SIK3: variants seen among roughly 807,000 people sequenced by gnomAD.
SIK3 encodes SIK family kinase 3, also known as serine/threonine-protein kinase SIK3.
In SIK3, 28 loss-of-function variants were observed where a neutral mutation model predicts 144.2. The ratio of observed to expected loss-of-function variants is 0.19; its 90% CI spans 0.14 to 0.27. The LOEUF (loss-of-function observed/expected upper bound fraction) is 0.27, where lower values mean the gene tolerates loss of function less well. SIK3 is among the 10% of genes least tolerant of loss of function. The probability of loss-of-function intolerance (pLI) is 1.00; values close to 1 mark genes in which losing one functional copy is unlikely to be tolerated. For missense variants in SIK3, 1,319 were observed against 1,776.0 expected (o/e 0.74, Z 4.62); for synonymous variants, 686 against 676.3 (o/e 1.01, Z -0.22).
intron 4 of SIK3, among the ~76,000 whole-genome samples, chr11:116,922,346 C>T (rs2135081855): frequency 6.6e-6 from 1 of 151,898 alleles, no homozygotes; most frequent in South Asian, 2.1e-4. Context: ...TTAAAATTAG[C>T]GAGGTGTGGT....
At chr11:116,941,228 A>ATG in intron 3 of SIK3, among the ~76,000 whole-genome samples, 1 of 151,918 alleles carries the variant, frequency 6.6e-6, no homozygotes, top group Non-Finnish European at 1.5e-5. Context: ...GGATGGTCTC[A>ATG]ATCTCCTGAC....
intron 1 of SIK3, among the ~76,000 whole-genome samples, chr11:117,003,997 G>C (rs1031779758): frequency 6.6e-6 from 1 of 151,994 alleles, no homozygotes; most frequent in Non-Finnish European, 1.5e-5. Context: ...GAGAATATGG[G>C]GAAAAAAGCT....
At chr11:116,870,188 G>A in intron 14 of SIK3, 143 bp downstream of exon 14, 7 of 1,543,020 alleles carry the variant, frequency 4.5e-6, no homozygotes, top group Non-Finnish European at 6.1e-6. Context: ...ATGTGGGGTG[G>A]AACATGCCAT....
At chr11:116,968,204 G>A (rs1293834893) in intron 1 of SIK3, among the ~76,000 whole-genome samples, 2 of 152,038 alleles carry the variant, frequency 1.3e-5, no homozygotes, top group East Asian at 1.9e-4. Context: ...GTACAGTGGC[G>A]CCATCTCGGC....
Position 116,858,575 on chromosome 11 carries a change from G to A in SIK3, c.2890C>T (p.Pro964Ser), listed in dbSNP as rs772093364. The stretch of plus-strand genomic sequence containing the variant: ...GGAGGGACTTTCAGGGCTTGGGTTG[G>A]AGAGAACCCCACTCCTGTTGAAGGG... ...YSPSTGVGFS[P>S]TQALKVPPLD... is the part of the protein sequence containing the mutation. The change falls in exon 21 of 25, where the codon CCA becomes TCA. Residue 964 changes from proline (P) to serine (S), a missense_variant. Pro to Ser is a moderately conservative substitution (Grantham distance 74, BLOSUM62 -1). Coordinates refer to ENST00000445177, the MANE Select transcript of SIK3 (RefSeq NM_001366686.3). The surrounding 1 kb of genome is among the most constrained non-coding windows in gnomAD (Gnocchi z 5.4). 1 of 1,613,848 alleles carries A rather than the reference G, an allele frequency of 6.2e-7. No homozygotes were observed. The highest frequency in any genetic ancestry group is 1.3e-5 in the African/African-American group (1 of 75,036).
intron 3 of SIK3, among the ~76,000 whole-genome samples, chr11:116,935,199 G>A (rs1285195667): frequency 6.6e-6 from 1 of 152,098 alleles, no homozygotes; most frequent in Non-Finnish European, 1.5e-5. Flanking sequence ...AGTGAGCTAT[G>A]AGCATGCCAC....
chr11:117,091,102 C>T (rs987298226), intron 1 of SIK3, among the ~76,000 whole-genome samples: 16 of 150,984 alleles, frequency 1.1e-4, no homozygotes, highest in Non-Finnish European at 1.5e-4. Flanking sequence ...TATAAGACTC[C>T]GGGAAAATGG....
intron 1 of SIK3, among the ~76,000 whole-genome samples, chr11:117,086,970 G>A (rs188131417): frequency 2.0e-5 from 3 of 148,714 alleles, no homozygotes; most frequent in Admixed American, 6.7e-5. Context: ...ACTCCAGCCT[G>A]GACAACAGAG....
chr11:116,985,113 T>C (rs1950283959), intron 1 of SIK3, among the ~76,000 whole-genome samples: 1 of 152,256 alleles, frequency 6.6e-6, no homozygotes, highest in South Asian at 2.1e-4. Flanking sequence ...TTATTGGTAG[T>C]TGTTTTCCTA....
At chr11:116,866,320 C>T (rs1031805464) in intron 15 of SIK3, among the ~76,000 whole-genome samples, 5 of 151,874 alleles carry the variant, frequency 3.3e-5, no homozygotes, top group Non-Finnish European at 5.9e-5. Flanking sequence ...AAGAAGGAGA[C>T]AAGGAGAAAA....
At chr11:117,007,011 C>T (rs1951072313) in intron 1 of SIK3, among the ~76,000 whole-genome samples, 1 of 152,218 alleles carries the variant, frequency 6.6e-6, no homozygotes, top group African/African-American at 2.4e-5. Context: ...TGGATTATCA[C>T]CCTCAATTCA....
chr11:116,971,679 T>G (rs1159630674), intron 1 of SIK3, among the ~76,000 whole-genome samples: 2 of 152,214 alleles, frequency 1.3e-5, no homozygotes, highest in African/African-American at 4.8e-5. Context: ...CTACCAAGTT[T>G]CTCCAAAATC....
At position 117,064,158 on chromosome 11, in the gene SIK3, T is replaced by C. The variant is rs888072157; in HGVS notation, c.273+33985A>G. Among the ~76,000 whole-genome samples, 6 of 152,308 alleles carry C rather than the reference T, an allele frequency of 3.9e-5. No homozygotes were observed. The East Asian group carries it at 7.7e-4, about 20-fold the overall frequency. ...TTCAGGGTTTTCAATGTCAGGGTCATTCATGTACTGAGACTTAAACTTGAT... is the reference window on the plus strand; with the variant it reads ...TTCAGGGTTTTCAATGTCAGGGTCACTCATGTACTGAGACTTAAACTTGAT... On this transcript the variant is annotated intron_variant, in intron 1 of 24. Coordinates refer to ENST00000445177, the MANE Select transcript of SIK3 (RefSeq NM_001366686.3).
At chr11:116,879,026 G>A (rs1365525546) in intron 6 of SIK3, among the ~76,000 whole-genome samples, 2 of 152,104 alleles carry the variant, frequency 1.3e-5, no homozygotes, top group Non-Finnish European at 2.9e-5. Flanking sequence ...TGCAATGCAA[G>A]GCCCATGTCT....
intron 1 of SIK3, among the ~76,000 whole-genome samples, chr11:116,958,824 T>C (rs1175412419): frequency 6.6e-6 from 1 of 152,188 alleles, no homozygotes; most frequent in Non-Finnish European, 1.5e-5. Flanking sequence ...CCAGATCACA[T>C]ACAAGACCTT....
chr11:117,095,027 C>T (rs1955412254), intron 1 of SIK3, among the ~76,000 whole-genome samples: 1 of 152,038 alleles, frequency 6.6e-6, no homozygotes, highest in African/African-American at 2.4e-5. Flanking sequence ...TCACTTTTCT[C>T]TACTGATTTT....
At position 117,013,688 on chromosome 11, in the gene SIK3, T is replaced by C. The variant is rs543968195; in HGVS notation, c.274-56624A>G. On this transcript the variant is annotated intron_variant, in intron 1 of 24. Coordinates refer to ENST00000445177, the MANE Select transcript of SIK3 (RefSeq NM_001366686.3). ...CATCACCATGGCTAAAAATGTATAC[T>C]TTTAGCTTTAAAAAAAAAATGCTTC... is the stretch of plus-strand genomic sequence containing the variant. Among the ~76,000 whole-genome samples the C allele has an allele frequency of 1.6e-4, 24 of 151,956 alleles. No individual in the cohort carries two copies. The East Asian group carries it at 4.3e-3, about 27-fold the overall frequency.
At chr11:117,016,282 C>T (rs1000497699) in intron 1 of SIK3, among the ~76,000 whole-genome samples, 31 of 146,486 alleles carry the variant, frequency 2.1e-4, no homozygotes, top group Admixed American at 1.3e-3. Flanking sequence ...GCCGCGATCA[C>T]GCCACTGCAC....
intron 7 of SIK3, 72 bp from the exon 8 acceptor site, chr11:116,876,435 G>T: frequency 8.1e-7 from 1 of 1,232,206 alleles, no homozygotes; most frequent in Non-Finnish European, 1.2e-6. Context: ...CATATATAAT[G>T]ACCAACCTGT....
Sources: gnomAD v4.1 joint callset for allele counts (sites outside exome capture counted in the v4.1 genomes callset) on GRCh38, gnomAD v4.1.1 for gene constraint, Gnocchi (gnomAD v3.1) non-coding constraint, MANE v1.5 for transcripts, NCBI Gene and HGNC (gene_info 2026-07-23, HGNC 2026-07-21) for gene names.